TMTC2: variants seen among roughly 807,000 people sequenced by gnomAD.
The protein encoded by TMTC2 is protein O-mannosyl-transferase TMTC2.
Under a neutral mutation model 82.4 loss-of-function variants are expected in TMTC2, and 43 were observed. That is an observed-to-expected ratio of 0.52 (90% CI 0.41 to 0.67). The LOEUF is 0.67. TMTC2 is among the 30% of genes least tolerant of loss of function. The probability of loss-of-function intolerance (pLI) is 0.00; values close to 1 mark genes in which losing one functional copy is unlikely to be tolerated. For synonymous variants in TMTC2, 408 were observed against 381.9 expected (o/e 1.07, Z -0.80); for missense variants, 919 against 1,012.4 (o/e 0.91, Z 1.25).
intron 3 of TMTC2, among the ~76,000 whole-genome samples, chr12:82,929,145 G>T (rs1285775126): frequency 6.6e-6 from 1 of 152,028 alleles, no homozygotes; most frequent in Non-Finnish European, 1.5e-5. Flanking sequence ...CGTGATCATG[G>T]CTCACTGTAG....
intron 3 of TMTC2, among the ~76,000 whole-genome samples, chr12:82,911,507 C>T (rs1327622921): frequency 1.3e-5 from 2 of 152,178 alleles, no homozygotes; most frequent in Admixed American, 1.3e-4. Flanking sequence ...ATATCATGTG[C>T]TTGCTCAAAA....
intron 11 of TMTC2, among the ~76,000 whole-genome samples, chr12:83,080,818 A>G (rs1883439751): frequency 1.3e-5 from 2 of 152,178 alleles, no homozygotes. Flanking sequence ...AAACTGACAA[A>G]TTCTTGAGGT....
At chr12:83,001,188 C>T (rs1214929555) in intron 8 of TMTC2, among the ~76,000 whole-genome samples, 1 of 152,150 alleles carries the variant, frequency 6.6e-6, no homozygotes, top group Non-Finnish European at 1.5e-5. Flanking sequence ...ATTCCTGGAG[C>T]AGGCTTTAGT....
In TMTC2 at chr12:82,700,343, G is replaced by T. The variant is rs182095250; in HGVS notation, c.83+12674G>T. Among the ~76,000 whole-genome samples, 3 of 152,154 alleles carry T rather than the reference G, an allele frequency of 2.0e-5. No individual in the cohort carries two copies. In the East Asian group the frequency reaches 5.8e-4, roughly 29 times the overall value. On this transcript the variant is annotated intron_variant, in intron 1 of 11. Coordinates refer to ENST00000321196, the MANE Select transcript of TMTC2 (RefSeq NM_152588.3). ...ATTTCTTTTAAATTATTCATTAATGGTATTGTTGAATAGTTTAAAAATCAC... is the reference window on the plus strand; with the variant it reads ...ATTTCTTTTAAATTATTCATTAATGTTATTGTTGAATAGTTTAAAAATCAC...
chr12:82,738,708 C>T (rs1752526518), intron 1 of TMTC2, among the ~76,000 whole-genome samples: 1 of 151,952 alleles, frequency 6.6e-6, no homozygotes, highest in African/African-American at 2.4e-5. Context: ...TGTTTGCCAC[C>T]AAATATTTAA....
chr12:82,747,390 G>A (rs1875746313), intron 1 of TMTC2, among the ~76,000 whole-genome samples: 1 of 152,162 alleles, frequency 6.6e-6, no homozygotes. Flanking sequence ...TGGGATAGAA[G>A]CTTGTCTCCT....
chr12:83,065,635 AT>A (rs951710697), intron 11 of TMTC2, among the ~76,000 whole-genome samples: 1 of 150,734 alleles, frequency 6.6e-6, no homozygotes, highest in Admixed American at 6.6e-5. Flanking sequence ...TTTAGTTTTA[AT>A]TTTTTTTTGG....
At chr12:83,052,047 A>T (rs1334019368) in intron 10 of TMTC2, among the ~76,000 whole-genome samples, 4 of 152,066 alleles carry the variant, frequency 2.6e-5, no homozygotes, top group Non-Finnish European at 5.9e-5. Context: ...CACTTCATTA[A>T]ATCCCTACTT....
intron 2 of TMTC2, among the ~76,000 whole-genome samples, chr12:82,882,450 CAT>C (rs1872882811): frequency 6.6e-6 from 1 of 152,050 alleles, no homozygotes; most frequent in African/African-American, 2.4e-5. Flanking sequence ...TTCTACTAAC[CAT>C]AACTCGATCT....
Position 82,895,968 on chromosome 12 carries a change from C to G in TMTC2, c.805C>G (p.Arg269Gly). The G allele has an allele frequency of 6.2e-7, 1 of 1,613,870 alleles. No homozygotes were observed. Among genetic ancestry groups the G allele is most frequent in the African/African-American group, 1.3e-5 (1 of 74,944 alleles). The change falls in exon 3 of 12, where the codon CGC becomes GGC. Residue 269 changes from arginine to glycine, a missense_variant. Arg to Gly is a moderately radical substitution (Grantham distance 125, BLOSUM62 -2). Coordinates refer to ENST00000321196, the MANE Select transcript of TMTC2 (RefSeq NM_152588.3). Reference sequence around the variant, plus strand: ...TGCTGATTCGGACAGCCTCCTCACCCGCACTCTCACCTTCTTCTACTTGCC... The same window carrying G: ...TGCTGATTCGGACAGCCTCCTCACCGGCACTCTCACCTTCTTCTACTTGCC... ...PAADSDSLLTRTLTFFYLPTK... is the reference protein window; with the variant it reads ...PAADSDSLLTGTLTFFYLPTK...
intron 11 of TMTC2, among the ~76,000 whole-genome samples, chr12:83,063,280 C>T (rs1352231463): frequency 8.6e-6 from 1 of 115,958 alleles, no homozygotes; most frequent in African/African-American, 3.3e-5. Context: ...AAATAACCCT[C>T]CTTCTTCTGC....
At chr12:82,751,428 C>A (rs941129760) in intron 1 of TMTC2, among the ~76,000 whole-genome samples, 1 of 151,894 alleles carries the variant, frequency 6.6e-6, no homozygotes, top group East Asian at 1.9e-4. Flanking sequence ...AGGAGATATA[C>A]CTAATGCTAA....
chr12:82,728,935 C>T (rs952740038), intron 1 of TMTC2, among the ~76,000 whole-genome samples: 5 of 152,212 alleles, frequency 3.3e-5, no homozygotes, highest in Non-Finnish European at 7.3e-5. Context: ...CTGGACTTCT[C>T]GTCGGGCCTT....
At chr12:82,689,930 A>G (rs1872508384) in intron 1 of TMTC2, among the ~76,000 whole-genome samples, 1 of 152,240 alleles carries the variant, frequency 6.6e-6, no homozygotes, top group African/African-American at 2.4e-5. Context: ...TGAAAAGTGT[A>G]TTTTACACTG....
chr12:83,100,805 A>C (rs573313266), intron 11 of TMTC2, among the ~76,000 whole-genome samples: 2 of 152,336 alleles, frequency 1.3e-5, no homozygotes, highest in South Asian at 4.1e-4. Context: ...ACTGAGCTGG[A>C]TTAAGATAAT....
At chr12:82,920,919 A>G (rs1343276960) in intron 3 of TMTC2, among the ~76,000 whole-genome samples, 2 of 152,206 alleles carry the variant, frequency 1.3e-5, no homozygotes, top group Non-Finnish European at 2.9e-5. Flanking sequence ...TTACGTAGGC[A>G]GGATATGTTC....
At chr12:82,817,680 G>A (rs954164655) in intron 1 of TMTC2, among the ~76,000 whole-genome samples, 1 of 152,150 alleles carries the variant, frequency 6.6e-6, no homozygotes, top group Non-Finnish European at 1.5e-5. Context: ...GTAAGAGAAA[G>A]CACAGTGAGA....
At chr12:82,743,430 G>T (rs1201408208) in intron 1 of TMTC2, among the ~76,000 whole-genome samples, 1 of 147,574 alleles carries the variant, frequency 6.8e-6, no homozygotes. Flanking sequence ...CTGGGCTACA[G>T]AGCGAGACTC....
At chr12:82,904,055 TTTCTGTTTATAAGATGTTAATAATAA>T (rs1338411502) in intron 3 of TMTC2, among the ~76,000 whole-genome samples, 5 of 152,206 alleles carry the variant, frequency 3.3e-5, no homozygotes, top group African/African-American at 9.6e-5. Context: ...CTTATATTTT[TTTCTGTTTATAAGATGTTAATAATAA>T]TTCTGGCTGT....
Sources: allele counts gnomAD v4.1 joint callset (sites outside exome capture counted in the v4.1 genomes callset), GRCh38; gene constraint gnomAD v4.1.1; transcripts MANE v1.5; gene names NCBI Gene and HGNC (gene_info 2026-07-23, HGNC 2026-07-21).